The following EFCAB5 variants were observed in gnomAD, a reference collection of about 807,000 sequenced individuals.
EFCAB5 encodes the protein EF-hand calcium-binding domain-containing protein 5.
In EFCAB5, 131 loss-of-function variants were observed where a neutral mutation model predicts 167.9. The ratio of observed to expected loss-of-function variants is 0.78; its 90% CI spans 0.68 to 0.90. The LOEUF is 0.90. Among genes scored for constraint, EFCAB5 ranks in the 40% least tolerant of loss-of-function variants. EFCAB5 has a pLI of 0.00. For synonymous variants in EFCAB5, 574 were observed against 602.8 expected (o/e 0.95, Z 0.70); for missense variants, 1,663 against 1,745.2 (o/e 0.95, Z 0.84).
intron 6 of EFCAB5, among the ~76,000 whole-genome samples, chr17:29,997,738 A>G (rs548790932): frequency 1.8e-4 from 28 of 152,152 alleles, no homozygotes; most frequent in Non-Finnish European, 4.0e-4. Flanking sequence ...AATGTCCTGC[A>G]GAAGGGGGAA....
chr17:30,094,240 A>G (rs2071252751), intron 22 of EFCAB5, among the ~76,000 whole-genome samples: 1 of 152,152 alleles, frequency 6.6e-6, no homozygotes, highest in Non-Finnish European at 1.5e-5. Flanking sequence ...GGAAAAGAGT[A>G]TTTCCTAATG....
At chr17:30,047,961 A>G (rs528669428) in intron 8 of EFCAB5, among the ~76,000 whole-genome samples, 7 of 152,286 alleles carry the variant, frequency 4.6e-5, no homozygotes, top group African/African-American at 9.6e-5. Flanking sequence ...GCTTTACTCA[A>G]AGGGCCTGTA....
At chr17:30,019,058 T>C (rs1307560238) in intron 7 of EFCAB5, among the ~76,000 whole-genome samples, 1 of 152,208 alleles carries the variant, frequency 6.6e-6, no homozygotes, top group Non-Finnish European at 1.5e-5. Flanking sequence ...GTTTAGAGGC[T>C]TGACATTTTC....
chr17:29,935,720 A>AC (rs1400315302), intron 1 of EFCAB5, among the ~76,000 whole-genome samples: 1 of 149,652 alleles, frequency 6.7e-6, no homozygotes, highest in East Asian at 1.9e-4. Context: ...GAAAAAAAAA[A>AC]ACAAACAAAC....
At position 30,090,469 on chromosome 17, in the gene EFCAB5, T is replaced by C. The variant is rs758538944; in HGVS notation, c.3732T>C (p.Ser1244=). 6.2e-7 allele frequency: 1 copy of C among 1,614,058 alleles called. No homozygotes were observed. The highest frequency in any genetic ancestry group is 1.1e-5 in the South Asian group (1 of 91,086). Residue 1244 remains serine (S), a synonymous_variant, in exon 20 of 23, where the codon TCT becomes TCC. Coordinates refer to ENST00000394835, the MANE Select transcript of EFCAB5 (RefSeq NM_198529.4). The part of the protein sequence containing the change: ...CTDSSEVVLA[S]ACGETHIVVP... The stretch of plus-strand genomic sequence containing the variant: ...ACAGTTCAGAAGTTGTTCTGGCTTC[T>C]GCCTGTGGAGAAACGCATATAGTAG...
chr17:30,010,167 T>C (rs899808452), intron 7 of EFCAB5, among the ~76,000 whole-genome samples: 8 of 152,196 alleles, frequency 5.3e-5, no homozygotes, highest in Non-Finnish European at 1.0e-4. Flanking sequence ...TAGTATTCCA[T>C]GGTATATATG....
Position 30,096,530 on chromosome 17 carries a change from G to C in EFCAB5, c.4321+3594G>C, listed in dbSNP as rs139921705. On this transcript the variant is annotated intron_variant, in intron 22 of 22. Coordinates refer to ENST00000394835, the MANE Select transcript of EFCAB5 (RefSeq NM_198529.4). Reference sequence around the variant, plus strand: ...TGAATAGCACTGCACTCCAGCCTGGGCAACATAGTGGATACCGTCTCTAGA... The same window carrying C: ...TGAATAGCACTGCACTCCAGCCTGGCCAACATAGTGGATACCGTCTCTAGA... Among the ~76,000 whole-genome samples, 1,448 of 151,534 alleles carry C rather than the reference G, an allele frequency of 9.6e-3. 15 individuals carry two copies. The highest frequency in any genetic ancestry group is 0.03 in the African/African-American group (1,236 of 41,292).
chr17:29,976,177 G>A (rs1197835335), intron 4 of EFCAB5, among the ~76,000 whole-genome samples: 1 of 152,066 alleles, frequency 6.6e-6, no homozygotes, highest in Admixed American at 6.6e-5. Flanking sequence ...AAATCTCAAT[G>A]GGTATGTAAA....
intron 3 of EFCAB5, among the ~76,000 whole-genome samples, chr17:29,963,899 A>C (rs1304372626): frequency 6.6e-6 from 1 of 152,062 alleles, no homozygotes; most frequent in Non-Finnish European, 1.5e-5. Flanking sequence ...CTATGAGTTC[A>C]TGTGAGATCT....
chr17:30,044,570 G>T (rs35421305), intron 8 of EFCAB5, among the ~76,000 whole-genome samples: 2 of 150,708 alleles, frequency 1.3e-5, no homozygotes, highest in Non-Finnish European at 3.0e-5. Context: ...AGCAAGACTC[G>T]ATCTCACAAG....
At chr17:30,007,254 C>T (rs1033925084) in intron 7 of EFCAB5, among the ~76,000 whole-genome samples, 1 of 152,044 alleles carries the variant, frequency 6.6e-6, no homozygotes, top group Non-Finnish European at 1.5e-5. Flanking sequence ...GTAAGAAAAC[C>T]CTAGTTCCAT....
chr17:29,932,974 C>A (rs2151504593), intron 1 of EFCAB5, among the ~76,000 whole-genome samples: 1 of 152,178 alleles, frequency 6.6e-6, no homozygotes, highest in South Asian at 2.1e-4. Flanking sequence ...TTTAAGGAAA[C>A]TAAGATTTGG....
intron 4 of EFCAB5, among the ~76,000 whole-genome samples, chr17:29,987,168 C>T (rs2068305655): frequency 6.6e-6 from 1 of 152,150 alleles, no homozygotes; most frequent in Non-Finnish European, 1.5e-5. Context: ...ATCCCACTTT[C>T]CTCAGGTTTT....
chr17:29,967,063 A>G (rs1033446307), intron 3 of EFCAB5, among the ~76,000 whole-genome samples: 1 of 151,966 alleles, frequency 6.6e-6, no homozygotes, highest in African/African-American at 2.4e-5. Flanking sequence ...ATAACTTTTA[A>G]TTTCTTCTAA....
At chr17:30,054,174 T>C (rs1409648967) in intron 10 of EFCAB5, 26 bp downstream of exon 10, 1 of 1,492,828 alleles carries the variant, frequency 6.7e-7, no homozygotes, top group Admixed American at 2.7e-5. Context: ...TTCTACAACA[T>C]CAGTTCCCTG....
intron 14 of EFCAB5, chr17:30,068,722 G>T: frequency 1.3e-6 from 2 of 1,506,280 alleles, no homozygotes; most frequent in Non-Finnish European, 1.8e-6. Flanking sequence ...TGGCAGAGTC[G>T]ATGGCAGCCG....
At chr17:30,009,332 A>G (rs1466081350) in intron 7 of EFCAB5, among the ~76,000 whole-genome samples, 2 of 152,134 alleles carry the variant, frequency 1.3e-5, no homozygotes, top group African/African-American at 2.4e-5. Flanking sequence ...AAAACAATCC[A>G]TTTTAGAACA....
intron 7 of EFCAB5, among the ~76,000 whole-genome samples, chr17:30,026,905 T>C (rs916351761): frequency 5.5e-5 from 8 of 145,346 alleles, no homozygotes; most frequent in Middle Eastern, 3.5e-3. Context: ...AAATTTCATC[T>C]TCTGCTTTTA....
At chr17:29,965,266 C>A (rs957752507) in intron 3 of EFCAB5, among the ~76,000 whole-genome samples, 1 of 151,792 alleles carries the variant, frequency 6.6e-6, no homozygotes, top group African/African-American at 2.4e-5. Flanking sequence ...TTTCTAATAT[C>A]CCTTGTGATT....
Sources: allele counts gnomAD v4.1 joint callset (sites outside exome capture counted in the v4.1 genomes callset), GRCh38; gene constraint gnomAD v4.1.1; transcripts MANE v1.5; gene names NCBI Gene and HGNC (gene_info 2026-07-23, HGNC 2026-07-21).